Variants in LAMA5 observed in about 807,000 individuals in gnomAD.
LAMA5 encodes the protein laminin subunit alpha-5.
In LAMA5, 260 loss-of-function variants were observed where a neutral mutation model predicts 433.4. The ratio of observed to expected loss-of-function variants is 0.60; its 90% CI spans 0.54 to 0.66. LAMA5 has a LOEUF of 0.66. Among genes scored for constraint, LAMA5 ranks in the 30% least tolerant of loss-of-function variants. LAMA5 has a pLI of 0.00. For synonymous variants in LAMA5, 2,620 were observed against 2,226.6 expected (o/e 1.18, Z -4.97); for missense variants, 5,378 against 5,258.5 (o/e 1.02, Z -0.70).
At chr20:62,349,335 A>G (rs1423961873) in intron 6 of LAMA5, among the ~76,000 whole-genome samples, 2 of 151,358 alleles carry the variant, frequency 1.3e-5, no homozygotes, top group East Asian at 3.9e-4. Flanking sequence ...TCCTCAACAC[A>G]TCACAATAAA....
intron 51 of LAMA5, 73 bp from the exon 52 acceptor site, chr20:62,319,086 C>G: frequency 7.1e-7 from 1 of 1,408,858 alleles, no homozygotes; most frequent in South Asian, 1.5e-5. Flanking sequence ...CTTCCAAGCC[C>G]AAGACCCCAG....
At chr20:62,347,904 C>T (rs1450141461) in intron 6 of LAMA5, among the ~76,000 whole-genome samples, 2 of 152,208 alleles carry the variant, frequency 1.3e-5, no homozygotes, top group Non-Finnish European at 1.5e-5. Flanking sequence ...ATACTGCTTT[C>T]CCTCAGAATC....
Position 62,334,758 on chromosome 20 carries a change from C to CTCAGGGT in LAMA5, c.2483-138_2483-137insACCCTGA, listed in dbSNP as rs56242777. ...AGGGCTCAGGGCTCAGGGCTCAGGG[C>CTCAGGGT]GAGGGCGAGGGCGAGGGTGAGGGCG... On this transcript the variant is annotated intron_variant, in intron 20 of 79. Transcript: ENST00000252999. 7.7e-6 allele frequency: 4 copies of CTCAGGGT among 519,438 alleles called. 1 individual carries two copies. The South Asian group carries it at 8.1e-5, about 10-fold the overall frequency. 32.2% of individuals were successfully genotyped at this position (519,438 alleles called of 1,614,324 possible).
At chr20:62,366,682 C>A (rs528983857) in intron 1 of LAMA5, among the ~76,000 whole-genome samples, 1 of 152,372 alleles carries the variant, frequency 6.6e-6, no homozygotes, top group Non-Finnish European at 1.5e-5. Flanking sequence ...CCCCTCCCGC[C>A]CCGGTCACCG....
chr20:62,352,517 C>T (rs1984511251), intron 3 of LAMA5, among the ~76,000 whole-genome samples, 157 bp from the exon 4 acceptor site: 1 of 152,222 alleles, frequency 6.6e-6, no homozygotes, highest in Admixed American at 6.5e-5. Flanking sequence ...CTGAAGGGGC[C>T]TGGCCCGTTG....
chr20:62,321,760 T>TGGGGC (rs1987836707), intron 48 of LAMA5, among the ~76,000 whole-genome samples: 2 of 27,814 alleles, frequency 7.2e-5, no homozygotes, highest in Admixed American at 3.0e-4. Context: ...AGGGGTGGGG[T>TGGGGC]CAGTGGGGGA....
chr20:62,311,707 G>C lies in LAMA5; in HGVS notation c.9713C>G (p.Pro3238Arg). 1 of 1,569,478 alleles carries C rather than the reference G, an allele frequency of 6.4e-7. No homozygotes were observed. Among genetic ancestry groups the C allele is most frequent in the Non-Finnish European group, 8.6e-7 (1 of 1,158,390 alleles). The change falls in exon 71 of 80, where the codon CCT (proline) becomes CGT (arginine). Residue 3238 changes from proline to arginine, a missense_variant. Physicochemically the swap from Pro to Arg is moderately radical, Grantham distance 103. Transcript: ENST00000252999. ...RGPPPELQPQ[P>R]EGPPRLLLGG... ...CAGGAGGAGCCTCGGGGGCCCCTCA[G>C]GCTGCGGCTGGAGCTCGGGGGGTGG...
intron 6 of LAMA5, among the ~76,000 whole-genome samples, chr20:62,349,270 C>CAAAAAAAAAAAAA (rs35537683): frequency 2.1e-5 from 1 of 46,588 alleles, no homozygotes; most frequent in Non-Finnish European, 3.4e-5. Flanking sequence ...GACTCCATCT[C>CAAAAAAAAAAAAA]AAAAAAAAAA....
intron 2 of LAMA5, among the ~76,000 whole-genome samples, chr20:62,354,518 C>T (rs1002960612): frequency 2.0e-5 from 3 of 152,090 alleles, no homozygotes; most frequent in South Asian, 2.1e-4. Flanking sequence ...AGTGAAACAC[C>T]GTGGGGGTGG....
At chr20:62,348,889 C>G (rs1983763018) in intron 6 of LAMA5, among the ~76,000 whole-genome samples, 2 of 152,028 alleles carry the variant, frequency 1.3e-5, no homozygotes, top group African/African-American at 4.8e-5. Flanking sequence ...AGAAGGTGCT[C>G]CTGTATCTAA....
chr20:62,316,541 A>C (rs1268746559), intron 57 of LAMA5, 130 bp downstream of exon 57: 6 of 671,732 alleles, frequency 8.9e-6, no homozygotes. Context: ...CCATCTCCAA[A>C]GCTCTCCCAC....
intron 17 of LAMA5, 144 bp downstream of exon 17, chr20:62,336,590 G>A: frequency 8.5e-7 from 1 of 1,170,978 alleles, no homozygotes; most frequent in Non-Finnish European, 1.3e-6. Flanking sequence ...TGGGGGCAGA[G>A]GACCAGCCTA....
rs550265642 is a variant in LAMA5, at chr20:62,322,178, G to A, written c.6347-10C>T. The A allele has an allele frequency of 1.3e-6, 2 of 1,587,082 alleles. No homozygotes were observed. Among genetic ancestry groups the A allele is most frequent in the South Asian group, 1.1e-5 (1 of 88,810 alleles). On this transcript the variant is annotated splice_polypyrimidine_tract_variant and intron_variant, in intron 47 of 79. Coordinates refer to ENST00000252999, the MANE Select transcript of LAMA5 (RefSeq NM_005560.6). The stretch of plus-strand genomic sequence containing the variant: ...CCAGGGCACTGGCAGCCTGTGGTGG[G>A]GGGCTTGGGTGAGCATGGCTGGCCT...
rs2236520 is a variant in LAMA5, at chr20:62,317,116, T to C, written c.7512-93A>G. On this transcript the variant is annotated intron_variant, in intron 55 of 79. Transcript: ENST00000252999. ...CTGCGCTCACAACCAGCCGTGCCCG[T>C]GCCTGCCCGCCAAGTCCCGCCTCCA... 0.3 allele frequency: 417,817 copies of C among 1,392,992 alleles called. 63,690 individuals carry two copies. Among genetic ancestry groups the C allele is most frequent in the Non-Finnish European group, 0.31 (330,033 of 1,057,554 alleles). 86.3% of individuals were successfully genotyped at this position (1,392,992 alleles called of 1,614,324 possible). A position where few individuals can be genotyped will look rare whatever the true frequency, so the allele number is the denominator to read the frequency against.
chr20:62,334,062 G>A (rs774408209), intron 22 of LAMA5, 23 bp from the exon 23 acceptor site: 3 of 1,604,254 alleles, frequency 1.9e-6, no homozygotes, highest in Non-Finnish European at 1.7e-6. Context: ...GGAGCGTCGG[G>A]TCACTCTCCC....
rs762848903 is a variant in LAMA5 at position 62,309,448 on chromosome 20, G to A, written c.10976C>T (p.Pro3659Leu). The change falls in exon 80 of 80, where the codon CCC becomes CTC. Residue 3659 changes from proline to leucine, a missense_variant. Transcript: ENST00000252999. Reference sequence around the variant, plus strand: ...CCTCCTCATGCAGCCGCAGTAGGCGGGGGGCCAGGGCTGCACGGCCATGGG... The same window carrying A: ...CCTCCTCATGCAGCCGCAGTAGGCGAGGGGCCAGGGCTGCACGGCCATGGG... ...PEPMAVQPWP[P>L]AYCGCMRRLA... 1 of 1,584,226 alleles carries A rather than the reference G, an allele frequency of 6.3e-7. No homozygotes were observed. The highest frequency in any genetic ancestry group is 8.5e-7 in the Non-Finnish European group (1 of 1,174,686).
In LAMA5 at chr20:62,346,117, A is replaced by C. The variant is rs753918664; in HGVS notation, c.1381T>G (p.Cys461Gly). The change falls in exon 10 of 80, where the codon TGT (cysteine) becomes GGT (glycine). Residue 461 changes from cysteine (C) to glycine (G), a missense_variant. Transcript: ENST00000252999. The stretch of plus-strand genomic sequence containing the variant: ...GGGAAGCCCGTGAAGCCCTCGGCAC[A>C]CACGTCACACCGCTCCCCAGAGAAG... ...PNFSGERCDV[C>G]AEGFTGFPSC... 7.4e-6 allele frequency: 12 copies of C among 1,612,904 alleles called. No homozygotes were observed. In the African/African-American group the frequency reaches 1.6e-4, roughly 22 times the overall value.
chr20:62,310,311 T>C lies in LAMA5; in HGVS notation c.10601A>G (p.Asp3534Gly). The change falls in exon 77 of 80, where the codon GAC (aspartate) becomes GGC (glycine). Residue 3534 changes from aspartate to glycine, a missense_variant and splice_region_variant. By Grantham distance (94) the Asp-to-Gly change is moderately conservative. Coordinates refer to ENST00000252999, the MANE Select transcript of LAMA5 (RefSeq NM_005560.6). ...FPGSGGVITLDLPGATLPDVG... is the reference protein window; with the variant it reads ...FPGSGGVITLGLPGATLPDVG... ...ATCAGGCAGTGTAGCTCCTGGGAGG[T>C]CTGCGGGGAGGGGTTGTGATGGAGA... The C allele has an allele frequency of 6.3e-7, 1 of 1,599,182 alleles. No homozygotes were observed. Among genetic ancestry groups the C allele is most frequent in the South Asian group, 1.1e-5 (1 of 89,734 alleles).
intron 32 of LAMA5, among the ~76,000 whole-genome samples, chr20:62,329,514 T>G (rs1262768644): frequency 6.6e-6 from 1 of 152,188 alleles, no homozygotes; most frequent in Non-Finnish European, 1.5e-5. Context: ...TGGCCACGCC[T>G]TCCTCTTCCC....
Sources: allele counts gnomAD v4.1 joint callset (sites outside exome capture counted in the v4.1 genomes callset), GRCh38; gene constraint gnomAD v4.1.1; transcripts MANE v1.5; gene names NCBI Gene and HGNC (gene_info 2026-07-23, HGNC 2026-07-21).